The following CUL4B variants were observed in gnomAD, a reference collection of about 807,000 sequenced individuals.
CUL4B encodes the protein cullin 4B, also known as cullin-4B.
A neutral mutation model predicts 69.2 loss-of-function variants in CUL4B; 1 was observed. The observed-to-expected ratio is 0.01, with a 90% CI of 0.01 to 0.07. The LOEUF (loss-of-function observed/expected upper bound fraction) is 0.07. Ranked by LOEUF, CUL4B falls within the 10% of genes least tolerant of loss-of-function variation. CUL4B has a pLI of 1.00. For synonymous variants in CUL4B, 237 were observed against 223.2 expected, an observed-to-expected ratio of 1.06 and a Z score of -0.55; for missense variants, 328 against 638.8, an observed-to-expected ratio of 0.51 and a Z score of 5.24.
At chrX:120,532,830 CAA>C (rs1418989458) in intron 17 of CUL4B, among the ~76,000 whole-genome samples, 1 of 111,445 alleles carries the variant, frequency 9.0e-6, no homozygotes, top group Admixed American at 9.5e-5. Flanking sequence ...CTCCTGAGCT[CAA>C]GTGATCCACC....
At chrX:120,532,771 A>T (rs934768176) in intron 17 of CUL4B, among the ~76,000 whole-genome samples, 177 bp from the exon 18 acceptor site, 5 of 110,739 alleles carry the variant, frequency 4.5e-5, no homozygotes, top group Admixed American at 2.9e-4. Context: ...CTTCTTTTTT[A>T]AAAAAAATAG....
upstream of CUL4B, among the ~76,000 whole-genome samples, chrX:120,562,932 T>C (rs1407426224): frequency 9.0e-6 from 1 of 111,686 alleles, no homozygotes; most frequent in African/African-American, 3.3e-5. Context: ...GGTGACAGGA[T>C]TGTGAGTGGA....
chrX:120,531,647 A>G (rs753488534), intron 18 of CUL4B, among the ~76,000 whole-genome samples: 38 of 109,589 alleles, frequency 3.5e-4, no homozygotes, highest in Non-Finnish European at 5.9e-4. Context: ...TTTAGTAGAG[A>G]CAGGGTATCG....
intron 2 of CUL4B, among the ~76,000 whole-genome samples, chrX:120,557,243 T>G (rs1335346173): frequency 9.0e-6 from 1 of 111,560 alleles, no homozygotes; most frequent in Admixed American, 9.6e-5. Flanking sequence ...TCCCTGACAC[T>G]CTAATGAAAG....
intron 11 of CUL4B, 144 bp from the exon 12 acceptor site, chrX:120,539,516 A>C: frequency 2.4e-6 from 1 of 415,049 alleles, no homozygotes; most frequent in Non-Finnish European, 4.3e-6. Context: ...CTCCAAAGTC[A>C]GGAAGATCAA....
intron 9 of CUL4B, among the ~76,000 whole-genome samples, chrX:120,542,488 G>A (rs184399717): frequency 1.2e-3 from 133 of 111,936 alleles, no homozygotes; most frequent in Non-Finnish European, 1.4e-3. Flanking sequence ...ATTCACTTGG[G>A]ATTAGAAGTG....
At position 120,543,009 on chromosome X, in the gene CUL4B, T is replaced by C. The variant is rs1381340142; in HGVS notation, c.1281A>G (p.Glu427=). The change falls in exon 9 of 20, where the codon GAA becomes GAG. Residue 427 remains glutamate (E), a synonymous_variant. Transcript: ENST00000371322. ...TTAAGTGTTCACCTAGAAGTTGTTT[T>C]TCTACAGTAGCAATTAATGACTTCC... ...TTQKSLIATV[E]KQLLGEHLTA... is the part of the protein sequence containing the mutation. 1 of 1,195,124 alleles carries C rather than the reference T, an allele frequency of 8.4e-7. No homozygotes were observed. Among genetic ancestry groups the C allele is most frequent in the Admixed American group, 2.2e-5 (1 of 45,866 alleles).
chrX:120,566,345 GTATATATATATATATATATATATATA>G (rs537274243), upstream of CUL4B, among the ~76,000 whole-genome samples: 804 of 40,972 alleles, frequency 0.02, 20 homozygotes, highest in Middle Eastern at 0.096. Flanking sequence ...GTGTGTATAG[GTATATATATATATATATATATATATA>G]TATATATATA....
At chrX:120,531,330 AT>A (rs772597680) in intron 18 of CUL4B, among the ~76,000 whole-genome samples, 37 of 104,253 alleles carry the variant, frequency 3.5e-4, no homozygotes, top group East Asian at 3.3e-3. Flanking sequence ...CAAAAAAAAA[AT>A]TTTTTTTTTT....
At chrX:120,543,248 C>A (rs1324988186) in intron 8 of CUL4B, among the ~76,000 whole-genome samples, 6 of 111,255 alleles carry the variant, frequency 5.4e-5, no homozygotes, top group Non-Finnish European at 1.1e-4. Context: ...TTTAAAAAAA[C>A]ACTGCATATT....
chrX:120,566,363 A>ATATG (rs1556253036), upstream of CUL4B, among the ~76,000 whole-genome samples: 265 of 57,134 alleles, frequency 4.6e-3, 4 homozygotes, highest in African/African-American at 0.014. Flanking sequence ...ATATATATAT[A>ATATG]TATATATATA....
At chrX:120,538,856 A>T in intron 12 of CUL4B, 86 bp from the exon 13 acceptor site, 2 of 567,453 alleles carry the variant, frequency 3.5e-6, no homozygotes, top group Non-Finnish European at 5.9e-6. Flanking sequence ...AAAGCACACC[A>T]TTATTCCAAG....
downstream of CUL4B, among the ~76,000 whole-genome samples, chrX:120,566,545 G>A (rs967956858): frequency 3.8e-5 from 4 of 105,165 alleles, no homozygotes; most frequent in African/African-American, 1.4e-4. Flanking sequence ...TTACAGGCAT[G>A]CAGCACCACG....
chrX:120,540,541 T>C lies in CUL4B; in HGVS notation c.1465A>G (p.Ile489Val). ...YIKAFGSTIVINPEKDKTMVQ... is the reference protein window; with the variant it reads ...YIKAFGSTIVVNPEKDKTMVQ... Reference sequence around the variant, plus strand: ...ATGGTTTTATCTTTTTCAGGATTAATTACAATAGTGCTGCCAAATGCCTAA... The same window carrying C: ...ATGGTTTTATCTTTTTCAGGATTAACTACAATAGTGCTGCCAAATGCCTAA... The change falls in exon 11 of 20, where the codon ATT becomes GTT. Residue 489 changes from isoleucine (I) to valine (V), a missense_variant. Ile to Val is a conservative substitution (Grantham distance 29). Around this residue, in one of 4 missense-constraint regions of CUL4B, gnomAD observed 98 missense variants for 296.8 expected, o/e 0.33. Coordinates refer to ENST00000371322, the MANE Select transcript of CUL4B (RefSeq NM_001079872.2). The C allele has an allele frequency of 8.3e-7, 1 of 1,206,073 alleles. No homozygotes were observed. Among genetic ancestry groups the C allele is most frequent in the Non-Finnish European group, 1.1e-6 (1 of 891,406 alleles).
chrX:120,566,616 C>T (rs1231014150), downstream of CUL4B, among the ~76,000 whole-genome samples: 2 of 106,850 alleles, frequency 1.9e-5, no homozygotes, highest in African/African-American at 6.8e-5. Flanking sequence ...AGGCTGGTCT[C>T]GAACTCCCAA....
chrX:120,557,851 C>CATGA (rs1925071648), intron 2 of CUL4B, 73 bp downstream of exon 2: 3 of 692,068 alleles, frequency 4.3e-6, no homozygotes, highest in African/African-American at 4.3e-5. Flanking sequence ...GAACCTATTT[C>CATGA]AGAAAGCAAA....
At chrX:120,561,021 TGGGGGAAAGGGGGA>T, upstream of CUL4B, 5 of 931,473 alleles carry the variant, frequency 5.4e-6, no homozygotes, top group Non-Finnish European at 6.7e-6. Flanking sequence ...AGGCTGTGGT[TGGGGGAAAGGGGGA>T]GGGGGAAAGA....
At chrX:120,566,369 A>ATATATATATATATATGTG (rs1925537003), upstream of CUL4B, among the ~76,000 whole-genome samples, 2 of 56,465 alleles carry the variant, frequency 3.5e-5, no homozygotes, top group African/African-American at 1.1e-4. Context: ...ATATATATAT[A>ATATATATATATATATGTG]TATATATATA....
At chrX:120,543,108 GA>G (rs757709300) in intron 8 of CUL4B, 75 bp from the exon 9 acceptor site, 15 of 622,202 alleles carry the variant, frequency 2.4e-5, no homozygotes, top group East Asian at 3.4e-5. Flanking sequence ...CCTGAGGGGG[GA>G]AAAAAATCAA....
Sources: allele counts gnomAD v4.1 joint callset (sites outside exome capture counted in the v4.1 genomes callset), GRCh38; gene constraint gnomAD v4.1.1; regional missense constraint gnomAD v4.1.1; transcripts MANE v1.5; gene names NCBI Gene and HGNC (gene_info 2026-07-23, HGNC 2026-07-21).